The following XKR9 variants were observed in gnomAD, a reference collection of about 807,000 sequenced individuals.
XKR9 encodes XK-related protein 9.
Under a neutral mutation model 32.0 loss-of-function variants are expected in XKR9, and 32 were observed. The ratio of observed to expected loss-of-function variants is 1.00; its 90% confidence interval spans 0.76 to 1.34. The LOEUF is 1.34. XKR9 is among the 40% of genes most tolerant of loss of function. The pLI is 0.00. For missense variants in XKR9, 546 were observed against 429.7 expected (o/e 1.27, Z -2.39); for synonymous variants, 168 against 143.4 (o/e 1.17, Z -1.22).
the XKR9 span, among the ~76,000 whole-genome samples, chr8:70,900,598 A>G: frequency 6.6e-6 from 1 of 150,692 alleles, no homozygotes; most frequent in Non-Finnish European, 1.5e-5. Context: ...AAAAAATTAA[A>G]TGAATAAATA....
chr8:70,944,857 T>C, the XKR9 span, among the ~76,000 whole-genome samples: 1 of 152,186 alleles, frequency 6.6e-6, no homozygotes, highest in Non-Finnish European at 1.5e-5. Flanking sequence ...GCTCTCTGGG[T>C]TCATGTTCTC....
At chr8:71,033,008 C>T in the XKR9 span, among the ~76,000 whole-genome samples, 10 of 150,892 alleles carry the variant, frequency 6.6e-5, no homozygotes, top group East Asian at 1.9e-4. Flanking sequence ...CGCTTGAACC[C>T]GGGAGGTGGA....
At chr8:70,720,116 G>A (rs58761932) in intron 4 of XKR9, among the ~76,000 whole-genome samples, 61,191 of 151,900 alleles carry the variant, frequency 0.4, 13,892 homozygotes, top group Non-Finnish European at 0.52. Flanking sequence ...TTATTGGTGT[G>A]TAGGAATGCT....
At chr8:70,700,609 A>T (rs566224525) in intron 3 of XKR9, among the ~76,000 whole-genome samples, 1 of 152,118 alleles carries the variant, frequency 6.6e-6, no homozygotes. Flanking sequence ...GTTGCCTCCC[A>T]GTTAGGCTGC....
chr8:70,733,365 T>C (rs1206251432), intron 4 of XKR9, among the ~76,000 whole-genome samples: 1 of 151,930 alleles, frequency 6.6e-6, no homozygotes, highest in Admixed American at 6.6e-5. Context: ...TATTATCTCT[T>C]AGTGAATTGG....
chr8:70,966,285 G>A, the XKR9 span, among the ~76,000 whole-genome samples: 3 of 151,692 alleles, frequency 2.0e-5, no homozygotes, highest in Non-Finnish European at 2.9e-5. Flanking sequence ...GTCTCACTCT[G>A]TCACCCAGGC....
At chr8:70,744,554 T>C (rs1300458921) in intron 2 of XKR9, among the ~76,000 whole-genome samples, 1 of 152,230 alleles carries the variant, frequency 6.6e-6, no homozygotes, top group Admixed American at 6.5e-5. Context: ...GAAACCATGC[T>C]ATCTTTATCT....
Position 70,733,932 on chromosome 8 carries a change from GT to G in XKR9, c.633del (p.Phe211LeufsTer8). ...PKITYLFYKL[F>X]TLLSWMLSVV... ...AAATCACATATCTCTTTTACAAGTTGTTTACATTATTATCGTGGATGCTGAG... is the reference window on the plus strand; with the variant it reads ...AAATCACATATCTCTTTTACAAGTTGTTACATTATTATCGTGGATGCTGAG... On this transcript the variant is annotated frameshift_variant, in exon 5 of 5. Coordinates refer to ENST00000408926, the MANE Select transcript of XKR9 (RefSeq NM_001011720.2). LOFTEE classifies it high-confidence loss of function. The G allele has an allele frequency of 6.2e-7, 1 of 1,612,702 alleles. No individual in the cohort carries two copies. Among genetic ancestry groups the G allele is most frequent in the Non-Finnish European group, 8.5e-7 (1 of 1,179,622 alleles).
At chr8:70,977,401 C>T in the XKR9 span, among the ~76,000 whole-genome samples, 1 of 152,156 alleles carries the variant, frequency 6.6e-6, no homozygotes, top group African/African-American at 2.4e-5. Flanking sequence ...ATGAATTTCC[C>T]TCTACACAAT....
chr8:70,775,747 A>AT (rs35457458), intron 2 of XKR9, among the ~76,000 whole-genome samples: 60,631 of 144,756 alleles, frequency 0.42, 14,246 homozygotes, highest in Non-Finnish European at 0.55. Flanking sequence ...AATATTGGTC[A>AT]TTTTTTTTTT....
the XKR9 span, among the ~76,000 whole-genome samples, chr8:70,963,273 T>TCCTTTGCAGGA: frequency 2.0e-5 from 3 of 152,198 alleles, no homozygotes; most frequent in Non-Finnish European, 2.9e-5. Flanking sequence ...CTAGCATCAC[T>TCCTTTGCAGGA]CATGTCCTGC....
intron 3 of XKR9, among the ~76,000 whole-genome samples, chr8:70,705,961 G>A (rs1213630750): frequency 6.6e-6 from 1 of 152,102 alleles, no homozygotes; most frequent in Non-Finnish European, 1.5e-5. Flanking sequence ...AAGCGAACTT[G>A]CTGAGGAATT....
At chr8:70,769,910 G>A (rs1292593871) in intron 2 of XKR9, among the ~76,000 whole-genome samples, 2 of 151,776 alleles carry the variant, frequency 1.3e-5, no homozygotes, top group Non-Finnish European at 2.9e-5. Context: ...GAAGAGTTTG[G>A]TATTACCCAC....
rs571054986 is a variant in XKR9, at chr8:70,780,636, C to A, written n.353-8703C>A. On this transcript the variant is annotated intron_variant and non_coding_transcript_variant, in intron 2 of 3. Transcript: ENST00000520273. ...AGAACCTTCAGAGGAAGCATGACTGCCGACAGCATGATTTTGGGCTTCTAG... is the reference window on the plus strand; with the variant it reads ...AGAACCTTCAGAGGAAGCATGACTGACGACAGCATGATTTTGGGCTTCTAG... Among the ~76,000 whole-genome samples, 153 of 152,224 alleles carry A rather than the reference C, an allele frequency of 1.0e-3. 1 individual carries two copies. The highest frequency in any genetic ancestry group is 3.4e-3 in the African/African-American group (141 of 41,540).
the XKR9 span, among the ~76,000 whole-genome samples, chr8:71,049,711 G>C: frequency 6.6e-6 from 1 of 152,150 alleles, no homozygotes; most frequent in Non-Finnish European, 1.5e-5. Context: ...CACACTGAGA[G>C]GGGATAAAGA....
chr8:70,781,023 T>C (rs1286505812), intron 2 of XKR9: 1 of 152,152 alleles, frequency 6.6e-6, no homozygotes, highest in Non-Finnish European at 1.5e-5. Context: ...TCTTCCTCAC[T>C]ATCCTCGGAC....
At chr8:70,972,687 T>C in the XKR9 span, among the ~76,000 whole-genome samples, 4 of 152,194 alleles carry the variant, frequency 2.6e-5, no homozygotes, top group African/African-American at 9.6e-5. Flanking sequence ...TGGTGGATTT[T>C]GTCAAATGCT....
At chr8:70,674,367 G>A (rs936827735) in intron 1 of XKR9, among the ~76,000 whole-genome samples, 1 of 152,166 alleles carries the variant, frequency 6.6e-6, no homozygotes, top group Non-Finnish European at 1.5e-5. Flanking sequence ...ATAACCTTGA[G>A]CAAAGGCTTG....
At chr8:70,941,548 A>G in the XKR9 span, among the ~76,000 whole-genome samples, 18 of 152,120 alleles carry the variant, frequency 1.2e-4, no homozygotes, top group African/African-American at 4.3e-4. Flanking sequence ...TTAAGAAAGC[A>G]AAGACCTGAA....
Sources: allele counts gnomAD v4.1 joint callset (sites outside exome capture counted in the v4.1 genomes callset), GRCh38; gene constraint gnomAD v4.1.1; transcripts MANE v1.5; gene names NCBI Gene and HGNC (gene_info 2026-07-23, HGNC 2026-07-21).